The following CELSR1 variants were observed in gnomAD, a reference collection of about 807,000 sequenced individuals.
The protein encoded by CELSR1 is adhesion G protein-coupled receptor C1.
Under a neutral mutation model 249.1 loss-of-function variants are expected in CELSR1, and 110 were observed. The observed-to-expected ratio is 0.44, with a 90% CI of 0.38 to 0.52. CELSR1 has a LOEUF of 0.52. Among genes scored for constraint, CELSR1 ranks in the 20% least tolerant of loss-of-function variants. CELSR1 has a pLI of 0.00. For missense variants in CELSR1, 4,109 were observed against 4,296.4 expected, an observed-to-expected ratio of 0.96 and a Z score of 1.22; for synonymous variants, 2,113 against 1,900.0, an observed-to-expected ratio of 1.11 and a Z score of -2.92.
intron 2 of CELSR1, among the ~76,000 whole-genome samples, chr22:46,459,308 G>C (rs1488281891): frequency 1.3e-5 from 2 of 152,132 alleles, no homozygotes; most frequent in Non-Finnish European, 2.9e-5. Flanking sequence ...ATGAGGTCAG[G>C]TTTCTTGTGG....
chr22:46,384,571 G>A lies in CELSR1; in HGVS notation c.6855C>T (p.Ala2285=), dbSNP rs770140686. The A allele has an allele frequency of 1.2e-5, 19 of 1,612,810 alleles. No individual in the cohort carries two copies. Among genetic ancestry groups the A allele is most frequent in the African/African-American group, 5.3e-5 (4 of 75,000 alleles). The change falls in exon 20 of 35, where the codon GCC becomes GCT. Residue 2285 remains alanine, a synonymous_variant. Transcript: ENST00000674500. ...RELESSVSFP[A]DFFRPPEEKE... is the part of the protein sequence containing the mutation. ...TTTCTTCAGGTGGTCTGAAGAAGTC[G>A]GCTGGGAAGGAGACGGAGGACTCCA...
Position 46,381,080 on chromosome 22 carries a change from G to C in CELSR1, c.7089-125C>G. The C allele has an allele frequency of 9.6e-7, 1 of 1,037,276 alleles. No individual in the cohort carries two copies. Among genetic ancestry groups the C allele is most frequent in the Non-Finnish European group, 1.4e-6 (1 of 714,168 alleles). The allele number at this position is 1,037,276 out of a possible 1,614,324, so 64.3% of individuals were successfully genotyped here. On this transcript the variant is annotated intron_variant, in intron 21 of 34. Coordinates refer to ENST00000674500, the MANE Select transcript of CELSR1 (RefSeq NM_001378328.1). This position sits in a 1 kb window ranked among gnomAD's most constrained non-coding sequence, Gnocchi z 6.0. ...TAGGGGAGACAGAATCACACTCCGA[G>C]AGCTCGGACCCACGGACCCCACAGT... is the stretch of plus-strand genomic sequence containing the variant.
At position 46,481,007 on chromosome 22, in the gene CELSR1, C is replaced by A. The variant is rs150631918; in HGVS notation, c.3545-16662G>T. ...ATCCCAGCACTTTGGGAGGCTGAGG[C>A]GGGTGGATCACAAGGTCAGGAGTTT... On this transcript the variant is annotated intron_variant, in intron 1 of 34. Coordinates refer to ENST00000674500, the MANE Select transcript of CELSR1 (RefSeq NM_001378328.1). Among the ~76,000 whole-genome samples, 906 of 152,174 alleles carry A rather than the reference C, an allele frequency of 6.0e-3. 8 individuals are homozygous for A. The highest frequency in any genetic ancestry group is 5.4e-3 in the Non-Finnish European group (369 of 68,000).
Position 46,409,051 on chromosome 22 carries a change from T to C in CELSR1, c.5171A>G (p.Glu1724Gly). The C allele has an allele frequency of 1.2e-6, 2 of 1,613,234 alleles. No homozygotes were observed. The highest frequency in any genetic ancestry group is 1.7e-6 in the Non-Finnish European group (2 of 1,179,744). ...YLGLMFRTRKEDSVLMEATSG... is the reference protein window; with the variant it reads ...YLGLMFRTRKGDSVLMEATSG... The stretch of plus-strand genomic sequence containing the variant: ...GGTGGCCTCCATCAGAACGCTGTCC[T>C]CCTTCCGGGTCCGGAACATGAGCCC... The change falls in exon 9 of 35, where the codon GAG becomes GGG. Residue 1724 changes from glutamate to glycine, a missense_variant. Glu to Gly is a moderately conservative substitution (Grantham distance 98). Coordinates refer to ENST00000674500, the MANE Select transcript of CELSR1 (RefSeq NM_001378328.1). The surrounding 1 kb of genome is among the most constrained non-coding windows in gnomAD (Gnocchi z 9.8).
intron 3 of CELSR1, among the ~76,000 whole-genome samples, chr22:46,438,154 A>C (rs1442500869): frequency 1.3e-5 from 2 of 152,152 alleles, no homozygotes; most frequent in Non-Finnish European, 1.5e-5. Flanking sequence ...AAAAGCAAAA[A>C]AAAGGAGAGG....
rs1020817141 is a variant in CELSR1 at position 46,413,559 on chromosome 22, T to C, written c.4612-1800A>G. Among the ~76,000 whole-genome samples, 2 of 152,224 alleles carry C rather than the reference T, an allele frequency of 1.3e-5. No individual in the cohort carries two copies. Among genetic ancestry groups the C allele is most frequent in the Non-Finnish European group, 2.9e-5 (2 of 68,038 alleles). Reference sequence around the variant, plus strand: ...TGAGGATGATATCAACAGAGATACGTGAGTTTCCCACACGCCCTTGTCTGT... The same window carrying C: ...TGAGGATGATATCAACAGAGATACGCGAGTTTCCCACACGCCCTTGTCTGT... On this transcript the variant is annotated intron_variant, in intron 5 of 34. Transcript: ENST00000674500. This position sits in a 1 kb window ranked among gnomAD's most constrained non-coding sequence, Gnocchi z 4.7.
At position 46,533,497 on chromosome 22, in the gene CELSR1, A is replaced by G. The variant is rs970395630; in HGVS notation, c.3544+130T>C. ...CCCCCAGCATCCAACCGGCGGCAAC[A>G]AATCCTTGCAGAGTTGCCCGGGCCC... On this transcript the variant is annotated intron_variant, in intron 1 of 34. Transcript: ENST00000674500. 9 of 1,356,040 alleles carry G rather than the reference A, an allele frequency of 6.6e-6. No homozygotes were observed. The African/African-American group carries it at 7.3e-5, about 11-fold the overall frequency. The allele number at this position is 1,356,040 out of a possible 1,614,324, so 84.0% of individuals were successfully genotyped here.
At chr22:46,491,084 G>A (rs951882044) in intron 1 of CELSR1, among the ~76,000 whole-genome samples, 1 of 151,926 alleles carries the variant, frequency 6.6e-6, no homozygotes, top group Non-Finnish European at 1.5e-5. Context: ...TCCACCCCGG[G>A]CCCTTGGACA....
rs985441272 is a variant in CELSR1, at chr22:46,413,171, T to C, written c.4612-1412A>G. On this transcript the variant is annotated intron_variant, in intron 5 of 34. Coordinates refer to ENST00000674500, the MANE Select transcript of CELSR1 (RefSeq NM_001378328.1). The surrounding 1 kb of genome is among the most constrained non-coding windows in gnomAD (Gnocchi z 4.7). ...TTAAATCATCCTCAGTGCCTTTTAATAGGAAAATAACAACCACATAGTTCA... is the reference window on the plus strand; with the variant it reads ...TTAAATCATCCTCAGTGCCTTTTAACAGGAAAATAACAACCACATAGTTCA... Among the ~76,000 whole-genome samples the C allele has an allele frequency of 2.0e-5, 3 of 152,244 alleles. No homozygotes were observed. Among genetic ancestry groups the C allele is most frequent in the African/African-American group, 7.2e-5 (3 of 41,462 alleles).
chr22:46,394,855 G>GACACTGAAGATGAGCA, intron 13 of CELSR1, among the ~76,000 whole-genome samples: 1 of 152,350 alleles, frequency 6.6e-6, no homozygotes, highest in East Asian at 1.9e-4. Flanking sequence ...GAGAGCAACA[G>GACACTGAAGATGAGCA]ACACTGAAGA....
rs569335900 is a variant in CELSR1 at position 46,434,286 on chromosome 22, C to T, written c.4523-805G>A. Among the ~76,000 whole-genome samples, 4 of 152,188 alleles carry T rather than the reference C, an allele frequency of 2.6e-5. No individual in the cohort carries two copies. The highest frequency in any genetic ancestry group is 4.4e-5 in the Non-Finnish European group (3 of 68,024). ...CCCTTGAGCTCCTGCTGGAGTGGGG[C>T]GGGCGAGTCCCTTTGGGGATTCTGG... On this transcript the variant is annotated intron_variant, in intron 4 of 34. Transcript: ENST00000674500. This position sits in a 1 kb window ranked among gnomAD's most constrained non-coding sequence, Gnocchi z 4.9.
In CELSR1 at chr22:46,423,291, C is replaced by T. The variant is rs2147386345; in HGVS notation, c.4611+10102G>A. Among the ~76,000 whole-genome samples, 1 of 152,318 alleles carries T rather than the reference C, an allele frequency of 6.6e-6. No homozygotes were observed. On this transcript the variant is annotated intron_variant, in intron 5 of 34. Coordinates refer to ENST00000674500, the MANE Select transcript of CELSR1 (RefSeq NM_001378328.1). This position sits in a 1 kb window ranked among gnomAD's most constrained non-coding sequence, Gnocchi z 5.6. Reference sequence around the variant, plus strand: ...AACCAGCAGCCAAACCACTGCATCACCAGGAATAATAAATATCTGATCAAG... The same window carrying T: ...AACCAGCAGCCAAACCACTGCATCATCAGGAATAATAAATATCTGATCAAG...
chr22:46,466,339 G>T (rs1299947196), intron 1 of CELSR1, among the ~76,000 whole-genome samples: 1 of 152,238 alleles, frequency 6.6e-6, no homozygotes, highest in Non-Finnish European at 1.5e-5. Context: ...GGTCCCACAG[G>T]ATGTAGCAGG....
At position 46,390,759 on chromosome 22, in the gene CELSR1, A is replaced by G. The variant is rs2079081401; in HGVS notation, c.6251-273T>C. Among the ~76,000 whole-genome samples the G allele has an allele frequency of 6.6e-6, 1 of 152,100 alleles. No homozygotes were observed. The highest frequency in any genetic ancestry group is 2.4e-5 in the African/African-American group (1 of 41,420). On this transcript the variant is annotated intron_variant, in intron 16 of 34. Transcript: ENST00000674500. The surrounding 1 kb of genome is among the most constrained non-coding windows in gnomAD (Gnocchi z 6.3). ...CGTGAGGAAAGAAATCAGCAACACC[A>G]TCTGCCGGCAGCCACGATCCCATGC...
intron 27 of CELSR1, among the ~76,000 whole-genome samples, chr22:46,368,536 C>CAA (rs2078813715): frequency 1.3e-5 from 2 of 151,702 alleles, no homozygotes; most frequent in African/African-American, 4.8e-5. Flanking sequence ...AGCCCCTGCG[C>CAA]AAGCATTATC....
chr22:46,526,037 G>A lies in CELSR1; in HGVS notation c.3544+7590C>T, dbSNP rs889266783. ...AAAATGGTCTCTCAACACCCTGGTC[G>A]GTACATGGGGCCAGACATAGACCTC... On this transcript the variant is annotated intron_variant, in intron 1 of 34. Transcript: ENST00000674500. The surrounding 1 kb of genome is among the most constrained non-coding windows in gnomAD (Gnocchi z 4.7). 2.6e-5 allele frequency among the ~76,000 whole-genome samples: 4 copies of A among 152,222 alleles called. No individual in the cohort carries two copies. The highest frequency in any genetic ancestry group is 1.3e-4 in the Admixed American group (2 of 15,286).
chr22:46,371,396 G>A (rs1242166241), intron 25 of CELSR1, among the ~76,000 whole-genome samples: 2 of 152,142 alleles, frequency 1.3e-5, no homozygotes, highest in Admixed American at 6.5e-5. Flanking sequence ...CCAGAACCCA[G>A]GGATTACCCA....
chr22:46,411,903 T>C lies in CELSR1; in HGVS notation c.4612-144A>G, dbSNP rs2079341736. On this transcript the variant is annotated intron_variant, in intron 5 of 34. Coordinates refer to ENST00000674500, the MANE Select transcript of CELSR1 (RefSeq NM_001378328.1). The surrounding 1 kb of genome is among the most constrained non-coding windows in gnomAD (Gnocchi z 4.2). ...GGGATGAGGAGCCCCCGGCCTTTAG[T>C]TCCCCAAACTAGCTGTGCTGGGCTG... The C allele has an allele frequency of 2.0e-6, 2 of 985,034 alleles. No homozygotes were observed. The highest frequency in any genetic ancestry group is 1.5e-6 in the Non-Finnish European group (1 of 655,784). The allele number at this position is 985,034 out of a possible 1,614,324, so 61.0% of individuals were successfully genotyped here.
Position 46,436,296 on chromosome 22 carries a change from G to A in CELSR1, c.4407-7C>T. 6.2e-7 allele frequency: 1 copy of A among 1,610,550 alleles called. No homozygotes were observed. Among genetic ancestry groups the A allele is most frequent in the South Asian group, 1.1e-5 (1 of 90,968 alleles). ...CCTTTCCTGAGTGGCAAACCTGTGGGGCCAAGCAGAGGCACATCACAGGAT... is the reference window on the plus strand; with the variant it reads ...CCTTTCCTGAGTGGCAAACCTGTGGAGCCAAGCAGAGGCACATCACAGGAT... On this transcript the variant is annotated splice_region_variant and splice_polypyrimidine_tract_variant and intron_variant, in intron 3 of 34. Coordinates refer to ENST00000674500, the MANE Select transcript of CELSR1 (RefSeq NM_001378328.1). The surrounding 1 kb of genome is among the most constrained non-coding windows in gnomAD (Gnocchi z 5.9).
Sources: allele counts gnomAD v4.1 joint callset (sites outside exome capture counted in the v4.1 genomes callset), GRCh38; gene constraint gnomAD v4.1.1; non-coding constraint Gnocchi (gnomAD v3.1); transcripts MANE v1.5; gene names NCBI Gene and HGNC (gene_info 2026-07-23, HGNC 2026-07-21).